Variants in MAGI2 observed in about 807,000 individuals in gnomAD.
The protein encoded by MAGI2 is membrane associated guanylate kinase, WW and PDZ domain containing 2.
MAGI2 carries 35 observed loss-of-function variants against 133.3 expected under a neutral mutation model. The ratio of observed to expected loss-of-function variants is 0.26; its 90% CI spans 0.20 to 0.35. The LOEUF is 0.35. MAGI2 is among the 10% of genes least tolerant of loss of function. The pLI, the probability that MAGI2 is intolerant of heterozygous loss-of-function variation, is 1.00. For synonymous variants in MAGI2, 729 were observed against 710.6 expected, an observed-to-expected ratio of 1.03 and a Z score of -0.41; for missense variants, 1,636 against 1,863.4, an observed-to-expected ratio of 0.88 and a Z score of 2.25.
At chr7:78,418,472 T>G (rs920521983) in intron 6 of MAGI2, among the ~76,000 whole-genome samples, 2 of 152,092 alleles carry the variant, frequency 1.3e-5, no homozygotes, top group Admixed American at 6.6e-5. Flanking sequence ...TTCAACAGAA[T>G]CTTCTATGAT....
At chr7:78,550,690 T>C (rs1799259143) in intron 3 of MAGI2, among the ~76,000 whole-genome samples, 1 of 152,130 alleles carries the variant, frequency 6.6e-6, no homozygotes, top group Non-Finnish European at 1.5e-5. Context: ...TTTTTTACAT[T>C]AATGTCATAT....
chr7:78,027,644 GAAAGAA>G lies in MAGI2; in HGVS notation c.3707-7674_3707-7669del, dbSNP rs768537238. ...CTCCATCTCAAAAAAAAAAAAAAAA[GAAAGAA>G]AAAGAAAAAGAAATATGACCTGCAA... is the stretch of plus-strand genomic sequence containing the variant. On this transcript the variant is annotated intron_variant, in intron 21 of 21. Transcript: ENST00000354212. Among the ~76,000 whole-genome samples, 520 of 142,118 alleles carry G rather than the reference GAAAGAA, an allele frequency of 3.7e-3. 8 individuals carry two copies. Among genetic ancestry groups the G allele is most frequent in the East Asian group, 8.0e-3 (38 of 4,738 alleles). The allele number at this position is 142,118 out of a possible 152,430, so 93.2% of individuals were successfully genotyped here.
intron 10 of MAGI2, among the ~76,000 whole-genome samples, chr7:78,244,470 GA>G (rs1791546452): frequency 6.6e-6 from 1 of 151,810 alleles, no homozygotes; most frequent in Non-Finnish European, 1.5e-5. Context: ...TAACACACCA[GA>G]ACTAGATAAT....
intron 1 of MAGI2, among the ~76,000 whole-genome samples, chr7:79,189,978 A>G (rs1262615578): frequency 6.6e-6 from 1 of 151,848 alleles, no homozygotes; most frequent in African/African-American, 2.4e-5. Flanking sequence ...CAAGCTGAAT[A>G]ATACTCCATT....
chr7:78,223,893 C>T (rs948953230), intron 10 of MAGI2, among the ~76,000 whole-genome samples: 1 of 152,184 alleles, frequency 6.6e-6, no homozygotes, highest in Non-Finnish European at 1.5e-5. Flanking sequence ...ATTAAAGCCA[C>T]TGCTTTTCCC....
chr7:78,676,289 A>G (rs1815014512), intron 2 of MAGI2, among the ~76,000 whole-genome samples: 1 of 152,164 alleles, frequency 6.6e-6, no homozygotes, highest in Non-Finnish European at 1.5e-5. Context: ...AGACTGTATA[A>G]AAGGAGGATA....
chr7:79,192,929 T>C (rs576417347), intron 1 of MAGI2, among the ~76,000 whole-genome samples: 1 of 151,990 alleles, frequency 6.6e-6, no homozygotes, highest in African/African-American at 2.4e-5. Flanking sequence ...GAAGCTCTTA[T>C]AGTAGTCTGG....
chr7:78,532,720 C>T (rs368010591), intron 3 of MAGI2, among the ~76,000 whole-genome samples: 5 of 152,232 alleles, frequency 3.3e-5, no homozygotes, highest in East Asian at 1.9e-4. Context: ...GTAGTACTAA[C>T]GCATAAGTCA....
chr7:78,556,676 T>G (rs1254365269), intron 3 of MAGI2, among the ~76,000 whole-genome samples: 2 of 152,180 alleles, frequency 1.3e-5, no homozygotes, highest in East Asian at 1.9e-4. Context: ...ATTGTCTAAG[T>G]ATCTTCACAT....
intron 1 of MAGI2, among the ~76,000 whole-genome samples, chr7:79,046,488 T>C (rs540787926): frequency 6.6e-6 from 1 of 152,354 alleles, no homozygotes; most frequent in African/African-American, 2.4e-5. Flanking sequence ...GGCGCTTTGT[T>C]GTGACAGCCC....
chr7:78,064,110 A>G (rs1416498124), intron 21 of MAGI2, among the ~76,000 whole-genome samples: 3 of 152,224 alleles, frequency 2.0e-5, no homozygotes, highest in Non-Finnish European at 4.4e-5. Flanking sequence ...ACAGAAATCT[A>G]TCCCTCCTTA....
In MAGI2 at chr7:78,836,347, C is replaced by T. The variant is rs1584089630; in HGVS notation, c.418+170743G>A. 2.0e-5 allele frequency among the ~76,000 whole-genome samples: 3 copies of T among 152,298 alleles called. No individual in the cohort carries two copies. The East Asian group carries it at 5.8e-4, about 29-fold the overall frequency. On this transcript the variant is annotated intron_variant, in intron 2 of 21. Transcript: ENST00000354212. ...AATGTTTTTCTTGTACAACAGACTG[C>T]ATATGCATTATGGCACAGTATCAGA...
At chr7:78,261,094 T>C (rs1793475260) in intron 9 of MAGI2, among the ~76,000 whole-genome samples, 1 of 152,134 alleles carries the variant, frequency 6.6e-6, no homozygotes, top group Admixed American at 6.6e-5. Context: ...AACACAACCT[T>C]GGACCAGACT....
intron 9 of MAGI2, among the ~76,000 whole-genome samples, chr7:78,291,885 G>A (rs1459297881): frequency 2.0e-5 from 3 of 151,930 alleles, no homozygotes; most frequent in Admixed American, 6.6e-5. Context: ...TTCAACAGCT[G>A]TTCATGCTAA....
chr7:78,241,574 T>C (rs1791141622), intron 10 of MAGI2, among the ~76,000 whole-genome samples: 1 of 152,220 alleles, frequency 6.6e-6, no homozygotes, highest in Non-Finnish European at 1.5e-5. Flanking sequence ...TTTTAATACA[T>C]ATACCAGTGG....
intron 2 of MAGI2, among the ~76,000 whole-genome samples, chr7:78,901,670 T>C (rs1156885471): frequency 1.7e-5 from 2 of 120,764 alleles, no homozygotes; most frequent in Non-Finnish European, 1.8e-5. Context: ...AAATGAAATA[T>C]ACTTTTTTTT....
intron 7 of MAGI2, among the ~76,000 whole-genome samples, chr7:78,364,515 G>A (rs1793174571): frequency 6.6e-6 from 1 of 152,162 alleles, no homozygotes; most frequent in South Asian, 2.1e-4. Flanking sequence ...ATGTTTTATA[G>A]TAGCAGATGT....
chr7:78,464,092 T>G (rs1047194536), intron 6 of MAGI2, among the ~76,000 whole-genome samples: 4 of 152,144 alleles, frequency 2.6e-5, no homozygotes, highest in African/African-American at 9.7e-5. Context: ...AAATGCTAAA[T>G]ATCATTATCA....
intron 12 of MAGI2, among the ~76,000 whole-genome samples, chr7:78,191,014 G>T (rs1828156862): frequency 6.6e-6 from 1 of 152,188 alleles, no homozygotes; most frequent in Non-Finnish European, 1.5e-5. Flanking sequence ...AGTCACGTTT[G>T]TCTAAAAATC....
Sources: allele counts gnomAD v4.1 joint callset (sites outside exome capture counted in the v4.1 genomes callset), GRCh38; gene constraint gnomAD v4.1.1; transcripts MANE v1.5; gene names NCBI Gene and HGNC (gene_info 2026-07-23, HGNC 2026-07-21).